GPCPD1: variants seen among roughly 807,000 people sequenced by gnomAD.
GPCPD1 encodes the protein glycerophosphocholine phosphodiesterase 1, also known as glycerophosphocholine phosphodiesterase GPCPD1.
In GPCPD1, 29 loss-of-function variants were observed where a neutral mutation model predicts 89.2. The ratio of observed to expected loss-of-function variants is 0.33; its 90% CI spans 0.24 to 0.44. GPCPD1 has a LOEUF of 0.44. Ranked by LOEUF, GPCPD1 falls within the 20% of genes least tolerant of loss-of-function variation. The pLI is 1.00. For synonymous variants in GPCPD1, 258 were observed against 266.3 expected, an observed-to-expected ratio of 0.97 and a Z score of 0.30; for missense variants, 594 against 808.9, an observed-to-expected ratio of 0.73 and a Z score of 3.22.
chr20:5,549,038 G>T, intron 19 of GPCPD1: 1 of 665,632 alleles, frequency 1.5e-6, no homozygotes, highest in Admixed American at 2.2e-5. Flanking sequence ...TGATCCTGTT[G>T]ACTTTTGGGC....
intron 2 of GPCPD1, among the ~76,000 whole-genome samples, chr20:5,599,385 T>C (rs1395223798): frequency 6.6e-6 from 1 of 151,874 alleles, no homozygotes; most frequent in East Asian, 2.0e-4. Context: ...AGAATTCACT[T>C]GAACCCAGGA....
At chr20:5,595,683 C>T (rs541282856) in intron 3 of GPCPD1, among the ~76,000 whole-genome samples, 3 of 152,034 alleles carry the variant, frequency 2.0e-5, no homozygotes, top group East Asian at 3.9e-4. Context: ...ATAGCAAATG[C>T]TTGACACATG....
At chr20:5,588,962 T>C (rs1014244901) in intron 4 of GPCPD1, among the ~76,000 whole-genome samples, 10 of 152,262 alleles carry the variant, frequency 6.6e-5, no homozygotes, top group Admixed American at 2.6e-4. Context: ...AGACTGTTGA[T>C]AGCAGTATCT....
intron 19 of GPCPD1, chr20:5,549,612 C>T (rs1985251141): frequency 1.5e-5 from 8 of 541,362 alleles, no homozygotes; most frequent in South Asian, 5.5e-5. Context: ...AATTTCCATC[C>T]AAATGTTGCT....
chr20:5,588,849 AAAAAG>A (rs146849976), intron 4 of GPCPD1, among the ~76,000 whole-genome samples: 5,895 of 152,144 alleles, frequency 0.039, 157 homozygotes, highest in Non-Finnish European at 0.062. Context: ...AAAAAAAAAG[AAAAAG>A]AAAAGGGTGC....
intron 4 of GPCPD1, among the ~76,000 whole-genome samples, chr20:5,589,791 A>G (rs568704706): frequency 6.6e-6 from 1 of 152,330 alleles, no homozygotes; most frequent in Non-Finnish European, 1.5e-5. Flanking sequence ...GAAACAAAAC[A>G]TTCTGGAAAA....
At chr20:5,595,671 G>A (rs977772088) in intron 3 of GPCPD1, among the ~76,000 whole-genome samples, 3 of 151,360 alleles carry the variant, frequency 2.0e-5, no homozygotes, top group Non-Finnish European at 2.9e-5. Flanking sequence ...AACAAAAAAA[G>A]AATAGCAAAT....
rs1391416089 is a variant in GPCPD1, at chr20:5,582,201, A to AC, written c.350-2071_350-2070insG. Among the ~76,000 whole-genome samples the AC allele has an allele frequency of 1.3e-3, 184 of 140,614 alleles. 3 individuals carry two copies. The East Asian group carries it at 0.032, about 24-fold the overall frequency. The allele number at this position is 140,614 out of a possible 152,430, so 92.2% of individuals were successfully genotyped here. A position where few individuals can be genotyped will look rare whatever the true frequency, so the allele number is the denominator to read the frequency against. ...ACTCCCGTCTCAAAAAAAAAAAAAAAAAAAAAAAAAAAAAAAAACTACTAC... is the reference window on the plus strand; with the variant it reads ...ACTCCCGTCTCAAAAAAAAAAAAAAACAAAAAAAAAAAAAAAAAACTACTAC... On this transcript the variant is annotated intron_variant, in intron 6 of 19. Coordinates refer to ENST00000379019, the MANE Select transcript of GPCPD1 (RefSeq NM_019593.5).
At chr20:5,563,943 C>A (rs1986230438) in intron 15 of GPCPD1, among the ~76,000 whole-genome samples, 1 of 152,152 alleles carries the variant, frequency 6.6e-6, no homozygotes, top group African/African-American at 2.4e-5. Flanking sequence ...ACCCATTAAG[C>A]TAATAAGCTC....
intron 6 of GPCPD1, among the ~76,000 whole-genome samples, chr20:5,580,597 G>T (rs1273089857): frequency 6.6e-6 from 1 of 151,590 alleles, no homozygotes. Context: ...GTGGTGGCGG[G>T]CGCCTGTAGT....
chr20:5,560,344 A>G (rs1345650443), intron 16 of GPCPD1, among the ~76,000 whole-genome samples: 1 of 152,250 alleles, frequency 6.6e-6, no homozygotes, highest in East Asian at 1.9e-4. Flanking sequence ...ACACTTTTGC[A>G]TTAATAAAGT....
chr20:5,549,611 C>A (rs1177674109), intron 19 of GPCPD1: 2 of 540,828 alleles, frequency 3.7e-6, no homozygotes, highest in Non-Finnish European at 6.6e-6. Context: ...TAATTTCCAT[C>A]CAAATGTTGC....
chr20:5,561,534 C>T lies in GPCPD1; in HGVS notation c.1330-4G>A. ...CTTCTGGCAAAGACTCTAAAACCTA[C>T]AGTTTTGTTTGTTGGTAAATTTTGT... On this transcript the variant is annotated splice_region_variant and splice_polypyrimidine_tract_variant and intron_variant, in intron 15 of 19. Transcript: ENST00000379019. The T allele has an allele frequency of 6.3e-7, 1 of 1,575,642 alleles. No homozygotes were observed. Among genetic ancestry groups the T allele is most frequent in the South Asian group, 1.1e-5 (1 of 88,564 alleles).
At chr20:5,573,637 G>A (rs1016657462) in intron 11 of GPCPD1, among the ~76,000 whole-genome samples, 4 of 152,126 alleles carry the variant, frequency 2.6e-5, no homozygotes, top group Admixed American at 6.5e-5. Context: ...CCACTACTAC[G>A]GAGGCTGAGG....
intron 6 of GPCPD1, among the ~76,000 whole-genome samples, chr20:5,582,846 G>A (rs955673271): frequency 2.7e-5 from 4 of 150,940 alleles, no homozygotes; most frequent in East Asian, 1.9e-4. Flanking sequence ...CGGAGATTGC[G>A]CCACTGCATT....
At chr20:5,580,745 A>G (rs1978418534) in intron 6 of GPCPD1, among the ~76,000 whole-genome samples, 1 of 151,958 alleles carries the variant, frequency 6.6e-6, no homozygotes, top group African/African-American at 2.4e-5. Context: ...AAAAAAAAGA[A>G]AAAGAAAATA....
intron 10 of GPCPD1, 105 bp from the exon 11 acceptor site, chr20:5,574,074 T>C (rs2122651959): frequency 1.4e-6 from 1 of 737,378 alleles, no homozygotes; most frequent in Non-Finnish European, 2.3e-6. Flanking sequence ...GTACTTATTC[T>C]GTATTCTGAG....
intron 19 of GPCPD1, among the ~76,000 whole-genome samples, chr20:5,553,488 C>T (rs1393686304): frequency 6.6e-6 from 1 of 152,116 alleles, no homozygotes; most frequent in Non-Finnish European, 1.5e-5. Context: ...AAATAAAAAA[C>T]TAGAAATGAT....
Position 5,565,015 on chromosome 20 carries a change from A to C in GPCPD1, c.1329+2T>G. 1.4e-6 allele frequency: 2 copies of C among 1,403,570 alleles called. No individual in the cohort carries two copies. The highest frequency in any genetic ancestry group is 2.0e-6 in the Non-Finnish European group (2 of 989,222). The allele number at this position is 1,403,570 out of a possible 1,614,324, so 86.9% of individuals were successfully genotyped here. On this transcript the variant is annotated splice_donor_variant, in intron 15 of 19. Transcript: ENST00000379019. LOFTEE classifies it high-confidence loss of function. ...TTGCCTTGGTTTTCCTCAATAACTT[A>C]CCATCTTAAGAGAAGGAAATGGCTG...
Sources: allele counts gnomAD v4.1 joint callset (sites outside exome capture counted in the v4.1 genomes callset), GRCh38; gene constraint gnomAD v4.1.1; transcripts MANE v1.5; gene names NCBI Gene and HGNC (gene_info 2026-07-23, HGNC 2026-07-21).